PIGU: variants seen among roughly 807,000 people sequenced by gnomAD.
PIGU encodes the protein phosphatidylinositol glycan anchor biosynthesis class U, also known as GPI-anchor transamidase component PIGU.
PIGU carries 24 observed loss-of-function variants against 49.9 expected under a neutral mutation model. The observed-to-expected ratio is 0.48, with a 90% CI of 0.35 to 0.68. The LOEUF is 0.68. PIGU is among the 30% of genes least tolerant of loss of function. The probability of loss-of-function intolerance (pLI) is 0.01; values close to 1 mark genes in which losing one functional copy is unlikely to be tolerated. For missense variants in PIGU, 490 were observed against 532.6 expected (o/e 0.92, Z 0.79); for synonymous variants, 220 against 205.7 (o/e 1.07, Z -0.59).
chr20:34,637,852 C>A, intron 5 of PIGU, 24 bp downstream of exon 5: 1 of 1,604,124 alleles, frequency 6.2e-7, no homozygotes, highest in Non-Finnish European at 8.5e-7. Context: ...TGGCACTAAG[C>A]CTGTTTTGTC....
intron 8 of PIGU, among the ~76,000 whole-genome samples, chr20:34,586,292 G>C (rs986296420): frequency 3.3e-5 from 5 of 151,026 alleles, no homozygotes; most frequent in African/African-American, 1.2e-4. Flanking sequence ...CAGAGGGAGA[G>C]ATGAGTGATG....
chr20:34,617,944 G>A (rs1200978119), intron 6 of PIGU, among the ~76,000 whole-genome samples: 1 of 152,110 alleles, frequency 6.6e-6, no homozygotes, highest in Non-Finnish European at 1.5e-5. Context: ...AGGGGTTTCC[G>A]CTTTTGCTTT....
At chr20:34,658,349 C>A (rs1022513310) in intron 1 of PIGU, among the ~76,000 whole-genome samples, 3 of 152,228 alleles carry the variant, frequency 2.0e-5, no homozygotes, top group Non-Finnish European at 2.9e-5. Context: ...GCTACAACCT[C>A]CACCTCCCAG....
chr20:34,645,408 G>A, intron 2 of PIGU, 74 bp from the exon 3 acceptor site: 2 of 1,453,528 alleles, frequency 1.4e-6, no homozygotes, highest in Non-Finnish European at 1.8e-6. Context: ...AGTAGAGAGT[G>A]GGGAGAAAAC....
chr20:34,612,141 A>G (rs748907334), intron 7 of PIGU, among the ~76,000 whole-genome samples: 3 of 152,234 alleles, frequency 2.0e-5, no homozygotes, highest in Non-Finnish European at 4.4e-5. Context: ...GATAAAGAAA[A>G]TGTGGCATAT....
chr20:34,675,141 A>G (rs1375516357), intron 1 of PIGU, among the ~76,000 whole-genome samples: 1 of 150,720 alleles, frequency 6.6e-6, no homozygotes, highest in Non-Finnish European at 1.5e-5. Flanking sequence ...CCAGCTGCCC[A>G]GGAGGCTGAG....
intron 1 of PIGU, among the ~76,000 whole-genome samples, chr20:34,674,330 G>A (rs1484770534): frequency 6.6e-6 from 1 of 152,014 alleles, no homozygotes; most frequent in African/African-American, 2.4e-5. Context: ...ACTCCAGCCT[G>A]GGCAACAAGA....
rs142929319 is a variant in PIGU at position 34,603,861 on chromosome 20, G to GACACACACACAC, written c.627+12169_627+12180dup. ...TTGTTTCTAGACCTTTTAGTGGACA[G>GACACACACACAC]ACACACACACACACACACACACACA... On this transcript the variant is annotated intron_variant, in intron 7 of 11. Coordinates refer to ENST00000217446, the MANE Select transcript of PIGU (RefSeq NM_080476.5). Among the ~76,000 whole-genome samples the GACACACACACAC allele has an allele frequency of 6.3e-3, 905 of 143,880 alleles. 12 individuals carry two copies. Among genetic ancestry groups the GACACACACACAC allele is most frequent in the African/African-American group, 0.022 (838 of 38,600 alleles). The allele number at this position is 143,880 out of a possible 152,430, so 94.4% of individuals were successfully genotyped here. A position where few individuals can be genotyped will look rare whatever the true frequency, so the allele number is the denominator to read the frequency against.
chr20:34,640,187 G>A (rs1986105927), intron 4 of PIGU, among the ~76,000 whole-genome samples: 3 of 152,170 alleles, frequency 2.0e-5, no homozygotes, highest in African/African-American at 7.2e-5. Context: ...GGGCAAAGGT[G>A]ACACTGTGCC....
At chr20:34,616,484 A>C (rs915854004) in intron 6 of PIGU, among the ~76,000 whole-genome samples, 33 of 152,188 alleles carry the variant, frequency 2.2e-4, no homozygotes, top group African/African-American at 7.2e-4. Flanking sequence ...CTAATGTACC[A>C]ATTTATTAAG....
chr20:34,571,725 G>A (rs556895341), intron 11 of PIGU, among the ~76,000 whole-genome samples: 2 of 152,308 alleles, frequency 1.3e-5, no homozygotes, highest in South Asian at 4.1e-4. Context: ...CCTCATGAAA[G>A]GTCTCTATGA....
At chr20:34,637,829 T>C in intron 5 of PIGU, 47 bp downstream of exon 5, 1 of 1,592,676 alleles carries the variant, frequency 6.3e-7, no homozygotes, top group East Asian at 2.2e-5. Flanking sequence ...CATCAGATTT[T>C]CCTCGCATTT....
chr20:34,661,525 G>A (rs910813106), intron 1 of PIGU, among the ~76,000 whole-genome samples: 2 of 151,444 alleles, frequency 1.3e-5, no homozygotes, highest in African/African-American at 4.9e-5. Context: ...ATCCATGTTG[G>A]TGCAAAGGAC....
intron 2 of PIGU, among the ~76,000 whole-genome samples, chr20:34,653,156 A>G (rs1376912142): frequency 2.6e-5 from 4 of 152,130 alleles, no homozygotes; most frequent in Non-Finnish European, 5.9e-5. Context: ...TATTTTTAGC[A>G]GAGACGGGGT....
At chr20:34,674,634 A>G (rs1247193643) in intron 1 of PIGU, among the ~76,000 whole-genome samples, 3 of 152,056 alleles carry the variant, frequency 2.0e-5, no homozygotes, top group African/African-American at 2.4e-5. Context: ...AGCTCATAAT[A>G]TAGTGGAAAA....
At chr20:34,613,505 T>G (rs959942542) in intron 7 of PIGU, among the ~76,000 whole-genome samples, 1 of 152,236 alleles carries the variant, frequency 6.6e-6, no homozygotes, top group Non-Finnish European at 1.5e-5. Flanking sequence ...CATTTTTATC[T>G]TCTTTTATTT....
At chr20:34,585,628 T>C (rs1983670423) in intron 8 of PIGU, 48 bp from the exon 9 acceptor site, 1 of 1,591,126 alleles carries the variant, frequency 6.3e-7, no homozygotes, top group South Asian at 1.1e-5. Flanking sequence ...AAGTTATAAA[T>C]TGTCTGCTTT....
intron 7 of PIGU, among the ~76,000 whole-genome samples, chr20:34,611,075 A>G (rs1172793160): frequency 6.6e-6 from 1 of 152,236 alleles, no homozygotes; most frequent in Non-Finnish European, 1.5e-5. Flanking sequence ...TTAAAGACTT[A>G]TACGTAAAAC....
intron 1 of PIGU, among the ~76,000 whole-genome samples, chr20:34,668,474 A>AT (rs1274990961): frequency 3.0e-5 from 4 of 134,714 alleles, no homozygotes; most frequent in South Asian, 2.2e-4. Flanking sequence ...AAAAAAAAAA[A>AT]AAAAAAAAAG....
Sources: allele counts gnomAD v4.1 joint callset (sites outside exome capture counted in the v4.1 genomes callset), GRCh38; gene constraint gnomAD v4.1.1; transcripts MANE v1.5; gene names NCBI Gene and HGNC (gene_info 2026-07-23, HGNC 2026-07-21).